The following CFAP54 variants were observed in gnomAD, a reference collection of about 807,000 sequenced individuals.
CFAP54 encodes the protein cilia- and flagella-associated protein 54.
Under a neutral mutation model 370.4 loss-of-function variants are expected in CFAP54, and 290 were observed. That is an observed-to-expected ratio of 0.78 (90% CI 0.71 to 0.86). CFAP54 has a LOEUF of 0.86. Among genes scored for constraint, CFAP54 ranks in the 40% least tolerant of loss-of-function variants. The pLI is 0.00. For missense variants in CFAP54, 3,399 were observed against 3,528.7 expected (o/e 0.96, Z 0.93); for synonymous variants, 1,206 against 1,236.5 (o/e 0.98, Z 0.52).
chr12:96,630,540 C>G lies in CFAP54; in HGVS notation c.4216-11C>G. 1 of 1,322,716 alleles carries G rather than the reference C, an allele frequency of 7.6e-7. No homozygotes were observed. The highest frequency in any genetic ancestry group is 1.0e-6 in the Non-Finnish European group (1 of 992,790). The allele number at this position is 1,322,716 out of a possible 1,614,324, so 81.9% of individuals were successfully genotyped here. ...AAATTTAACTTGTAACATTTTATCT[C>G]CTCTATTAAGAGTGCAGAAATGCAA... On this transcript the variant is annotated splice_polypyrimidine_tract_variant and intron_variant, in intron 31 of 67. Transcript: ENST00000524981.
intron 5 of CFAP54, among the ~76,000 whole-genome samples, chr12:96,517,055 T>C (rs1021523093): frequency 2.6e-5 from 4 of 152,160 alleles, no homozygotes; most frequent in African/African-American, 9.7e-5. Context: ...TATTAAATTT[T>C]TTAATTAATA....
At chr12:96,849,891 C>T (rs2136453404) in intron 66 of CFAP54, among the ~76,000 whole-genome samples, 1 of 152,302 alleles carries the variant, frequency 6.6e-6, no homozygotes, top group East Asian at 1.9e-4. Context: ...AGTCTTTTAT[C>T]TGCCAGTCTG....
Position 96,743,813 on chromosome 12 carries a change from A to C in CFAP54, c.7460A>C (p.Asp2487Ala), listed in dbSNP as rs1342530724. 6.2e-7 allele frequency: 1 copy of C among 1,613,992 alleles called. No homozygotes were observed. Among genetic ancestry groups the C allele is most frequent in the Non-Finnish European group, 8.5e-7 (1 of 1,179,916 alleles). ...LTLARSLVLL[D>A]DLTKAEKFKE... ...CTGGCAAGAAGCCTAGTTTTGCTGG[A>C]TGACTTAACCAAAGCTGAGAAATTC... Residue 2487 changes from aspartate to alanine, a missense_variant, in exon 54 of 68, where the codon GAT becomes GCT. Physicochemically the swap from Asp to Ala is moderately radical, Grantham distance 126 (BLOSUM62 -2). Transcript: ENST00000524981.
intron 63 of CFAP54, among the ~76,000 whole-genome samples, chr12:96,794,227 C>T (rs1958733667): frequency 6.6e-6 from 1 of 152,110 alleles, no homozygotes; most frequent in East Asian, 1.9e-4. Context: ...GATGGTGATA[C>T]TTTTGCAATG....
intron 47 of CFAP54, among the ~76,000 whole-genome samples, chr12:96,706,185 C>G (rs577698493): frequency 1.3e-5 from 2 of 152,032 alleles, no homozygotes; most frequent in South Asian, 4.2e-4. Context: ...AGTAATAAAG[C>G]ATGATATATA....
chr12:96,636,377 AATT>A (rs1956664582), intron 32 of CFAP54, among the ~76,000 whole-genome samples: 1 of 152,184 alleles, frequency 6.6e-6, no homozygotes. Flanking sequence ...TTATCTAAAA[AATT>A]ATCCATTTTA....
chr12:96,700,068 G>T lies in CFAP54; in HGVS notation c.6449G>T (p.Gly2150Val), dbSNP rs117477694. The T allele has an allele frequency of 1.2e-6, 2 of 1,607,532 alleles. No individual in the cohort carries two copies. The highest frequency in any genetic ancestry group is 1.1e-5 in the South Asian group (1 of 89,022). The part of the protein sequence containing the change: ...GKNMPCPIPA[G>V]YKATGKMKIF... ...AACATGCCTTGTCCAATACCTGCAG[G>T]CTATAAAGCCACTGGAAAAATGAAG... is the stretch of plus-strand genomic sequence containing the variant. Residue 2150 changes from glycine to valine, a missense_variant, in exon 46 of 68, where the codon GGC (glycine) becomes GTC (valine). Transcript: ENST00000524981.
chr12:96,554,293 GACC>G lies in CFAP54; in HGVS notation c.2269_2271del (p.His757del). 6.6e-7 allele frequency: 1 copy of G among 1,525,278 alleles called. No homozygotes were observed. The highest frequency in any genetic ancestry group is 8.8e-7 in the Non-Finnish European group (1 of 1,142,640). 94.5% of individuals were successfully genotyped at this position (1,525,278 alleles called of 1,614,324 possible). On this transcript the variant is annotated inframe_deletion, in exon 16 of 68. Transcript: ENST00000524981. The stretch of plus-strand genomic sequence containing the variant: ...TTTGCCAAATGGATCATCAGTAATT[GACC>G]ACTGCTATGCCAAGGTAAGAATGGA...
intron 50 of CFAP54, among the ~76,000 whole-genome samples, chr12:96,732,368 G>T (rs1243037400): frequency 6.6e-6 from 1 of 152,088 alleles, no homozygotes; most frequent in Non-Finnish European, 1.5e-5. Flanking sequence ...CTGACCTCAA[G>T]AGATCCACCC....
intron 50 of CFAP54, among the ~76,000 whole-genome samples, chr12:96,731,869 AACAAACT>A (rs1957923523): frequency 6.6e-6 from 1 of 152,148 alleles, no homozygotes; most frequent in Non-Finnish European, 1.5e-5. Flanking sequence ...TCTACATTGC[AACAAACT>A]TTAAAAAAAA....
chr12:96,748,404 C>G lies in CFAP54; in HGVS notation c.7684+4258C>G, dbSNP rs372129746. Among the ~76,000 whole-genome samples, 3 of 152,166 alleles carry G rather than the reference C, an allele frequency of 2.0e-5. No homozygotes were observed. In the East Asian group the frequency reaches 5.8e-4, roughly 29 times the overall value. ...ATATCTAATCCTAGTCATTGTACCA[C>G]TGAGAAAGTGCTGCTGTTCTTCTTC... On this transcript the variant is annotated intron_variant, in intron 55 of 67. Transcript: ENST00000524981.
rs1360640692 is a variant in CFAP54, at chr12:96,825,353, GTTATA to G, written c.9097-3654_9097-3650del. 1.0e-3 allele frequency among the ~76,000 whole-genome samples: 121 copies of G among 116,634 alleles called. 1 individual carries two copies. The highest frequency in any genetic ancestry group is 8.1e-3 in the East Asian group (32 of 3,936). The allele number at this position is 116,634 out of a possible 152,430, so 76.5% of individuals were successfully genotyped here. A position where few individuals can be genotyped will look rare whatever the true frequency, so the allele number is the denominator to read the frequency against. ...TAACATGTTATATATTATGTAACATGTTATATTATATATTATGTAACATGTGTTAT... is the reference window on the plus strand; with the variant it reads ...TAACATGTTATATATTATGTAACATGTTATATATTATGTAACATGTGTTAT... On this transcript the variant is annotated intron_variant, in intron 65 of 67. Coordinates refer to ENST00000524981, the MANE Select transcript of CFAP54 (RefSeq NM_001306084.2).
chr12:96,650,162 A>C (rs1592686993), intron 35 of CFAP54, 90 bp downstream of exon 35: 1 of 1,131,036 alleles, frequency 8.8e-7, no homozygotes, highest in East Asian at 2.5e-5. Context: ...TTATTTTCTT[A>C]TTATACATAA....
Position 96,535,609 on chromosome 12 carries a change from G to C in CFAP54, c.1791+9G>C, listed in dbSNP as rs1235457033. ...TCTGCACTGCTCCCCAGGTGAAATAGCTATTTTAAATAATTTTTATTAGTG... is the reference window on the plus strand; with the variant it reads ...TCTGCACTGCTCCCCAGGTGAAATACCTATTTTAAATAATTTTTATTAGTG... On this transcript the variant is annotated intron_variant, in intron 12 of 67. Coordinates refer to ENST00000524981, the MANE Select transcript of CFAP54 (RefSeq NM_001306084.2). The C allele has an allele frequency of 1.3e-6, 2 of 1,519,822 alleles. No homozygotes were observed. The highest frequency in any genetic ancestry group is 1.8e-6 in the Non-Finnish European group (2 of 1,135,130). 94.1% of individuals were successfully genotyped at this position (1,519,822 alleles called of 1,614,324 possible). A position where few individuals can be genotyped will look rare whatever the true frequency, so the allele number is the denominator to read the frequency against.
rs202159134 is a variant in CFAP54 at position 96,764,144 on chromosome 12, T to A, written c.8041-7T>A. The A allele has an allele frequency of 2.5e-5, 40 of 1,595,848 alleles. No homozygotes were observed. The highest frequency in any genetic ancestry group is 3.3e-5 in the Non-Finnish European group (39 of 1,165,926). ...TTTATATCATAACACATTTGCCATA[T>A]TTTTAGCCTCCTCTCAGAAGAAGTA... On this transcript the variant is annotated splice_region_variant and splice_polypyrimidine_tract_variant and intron_variant, in intron 58 of 67. Transcript: ENST00000524981.
intron 60 of CFAP54, among the ~76,000 whole-genome samples, chr12:96,770,634 G>A (rs1414733603): frequency 5.3e-5 from 8 of 152,236 alleles, no homozygotes; most frequent in African/African-American, 1.4e-4. Flanking sequence ...AGATTCACAC[G>A]ACAGCAGAAA....
chr12:96,645,005 C>A (rs1956772767), intron 33 of CFAP54, among the ~76,000 whole-genome samples: 2 of 152,020 alleles, frequency 1.3e-5, no homozygotes, highest in Admixed American at 1.3e-4. Flanking sequence ...GCTTTCAGTG[C>A]AAGGGTAAAA....
chr12:96,516,470 A>G (rs1955236915), intron 5 of CFAP54, among the ~76,000 whole-genome samples: 1 of 152,156 alleles, frequency 6.6e-6, no homozygotes, highest in Non-Finnish European at 1.5e-5. Context: ...AGACATCCTG[A>G]AAACCAAAAC....
chr12:96,827,792 T>G (rs550069096), intron 65 of CFAP54, among the ~76,000 whole-genome samples: 42 of 101,212 alleles, frequency 4.1e-4, no homozygotes, highest in African/African-American at 1.5e-3. Flanking sequence ...ATATAATATA[T>G]AATTATATAT....
Sources: gnomAD v4.1 joint callset for allele counts (sites outside exome capture counted in the v4.1 genomes callset) on GRCh38, gnomAD v4.1.1 for gene constraint, MANE v1.5 for transcripts, NCBI Gene and HGNC (gene_info 2026-07-23, HGNC 2026-07-21) for gene names.